Variants in ARSJ observed in about 807,000 individuals in gnomAD.
ARSJ encodes the protein arylsulfatase J.
Under a neutral mutation model 35.9 loss-of-function variants are expected in ARSJ, and 26 were observed. The ratio of observed to expected loss-of-function variants is 0.72; its 90% confidence interval spans 0.53 to 1.00. The LOEUF (loss-of-function observed/expected upper bound fraction) is 1.00. Among genes scored for constraint, ARSJ ranks in the 50% least tolerant of loss-of-function variants. The pLI is 0.00. For synonymous variants in ARSJ, 294 were observed against 267.6 expected (o/e 1.10, Z -0.96); for missense variants, 667 against 723.6 (o/e 0.92, Z 0.90).
intron 1 of ARSJ, among the ~76,000 whole-genome samples, chr4:113,918,881 C>T (rs1723486075): frequency 6.6e-6 from 1 of 152,058 alleles, no homozygotes; most frequent in South Asian, 2.1e-4. Context: ...CAGCCCCAAC[C>T]TCCCAGGCTT....
chr4:113,906,812 A>T, intron 1 of ARSJ: 1 of 449,732 alleles, frequency 2.2e-6, no homozygotes, highest in Non-Finnish European at 4.5e-6. Flanking sequence ...GAGTCTAGTA[A>T]GGAAGGTATA....
At position 113,902,910 on chromosome 4, in the gene ARSJ, A is replaced by C. The variant is rs759815160; in HGVS notation, c.1164T>G (p.Ala388=). ...TDWYPTLISL[A]EGQIDEDIQL... ...GAATGTCCTCATCAATCTGTCCTTCAGCCAGTGAAATGAGAGTGGGGTACC... is the reference window on the plus strand; with the variant it reads ...GAATGTCCTCATCAATCTGTCCTTCCGCCAGTGAAATGAGAGTGGGGTACC... The change falls in exon 2 of 2, where the codon GCT becomes GCG. Residue 388 remains alanine (A), a synonymous_variant. Transcript: ENST00000315366. 1 of 1,614,164 alleles carries C rather than the reference A, an allele frequency of 6.2e-7. No homozygotes were observed. Among genetic ancestry groups the C allele is most frequent in the East Asian group, 2.2e-5 (1 of 44,882 alleles).
intron 1 of ARSJ, among the ~76,000 whole-genome samples, chr4:113,937,136 G>A (rs575880116): frequency 1.4e-4 from 22 of 151,994 alleles, no homozygotes; most frequent in African/African-American, 5.1e-4. Context: ...CAGTGGTACT[G>A]GGAAGATTCA....
chr4:113,975,329 A>C (rs1214482444), intron 1 of ARSJ, among the ~76,000 whole-genome samples: 1 of 152,242 alleles, frequency 6.6e-6, no homozygotes, highest in Non-Finnish European at 1.5e-5. Flanking sequence ...TCAAAGATAC[A>C]AATTCAATTC....
At chr4:113,955,270 T>C (rs1431110327) in intron 1 of ARSJ, among the ~76,000 whole-genome samples, 1 of 152,042 alleles carries the variant, frequency 6.6e-6, no homozygotes, top group East Asian at 1.9e-4. Context: ...TTATTGCAGA[T>C]ACAGTTACCT....
chr4:113,975,622 C>G (rs147187685), intron 1 of ARSJ, among the ~76,000 whole-genome samples: 15 of 152,258 alleles, frequency 9.9e-5, no homozygotes, highest in Non-Finnish European at 1.9e-4. Flanking sequence ...AGAATCCCTA[C>G]ATCACTACCC....
At chr4:113,952,626 G>T (rs1725931708) in intron 1 of ARSJ, among the ~76,000 whole-genome samples, 1 of 152,098 alleles carries the variant, frequency 6.6e-6, no homozygotes, top group Non-Finnish European at 1.5e-5. Flanking sequence ...GCTGAAAGCA[G>T]TCACTAGAGG....
At chr4:113,912,667 A>G (rs574750853) in intron 1 of ARSJ, among the ~76,000 whole-genome samples, 2 of 152,138 alleles carry the variant, frequency 1.3e-5, no homozygotes, top group South Asian at 4.1e-4. Context: ...GTTCACTAGT[A>G]TATATATATC....
intron 1 of ARSJ, among the ~76,000 whole-genome samples, chr4:113,930,442 T>C (rs1724362554): frequency 1.3e-5 from 2 of 152,108 alleles, no homozygotes; most frequent in Non-Finnish European, 2.9e-5. Flanking sequence ...ACTCAAATAT[T>C]AATCTCCTTT....
chr4:113,968,506 G>T (rs7700131), intron 1 of ARSJ, among the ~76,000 whole-genome samples: 49,380 of 151,724 alleles, frequency 0.33, 8,088 homozygotes, highest in Admixed American at 0.36. Flanking sequence ...GAGGGTGGTA[G>T]AGAGTCTAGA....
intron 1 of ARSJ, among the ~76,000 whole-genome samples, chr4:113,952,710 G>A (rs188690157): frequency 6.6e-6 from 1 of 152,172 alleles, no homozygotes. Flanking sequence ...CGATAGGCTG[G>A]AGAAGGCTAA....
chr4:113,907,085 A>C (rs903513770), intron 1 of ARSJ, among the ~76,000 whole-genome samples: 1 of 152,180 alleles, frequency 6.6e-6, no homozygotes, highest in African/African-American at 2.4e-5. Flanking sequence ...GCAAAGTCCG[A>C]TGCACTCTCT....
At chr4:113,956,193 A>C (rs1348158818) in intron 1 of ARSJ, among the ~76,000 whole-genome samples, 1 of 152,052 alleles carries the variant, frequency 6.6e-6, no homozygotes, top group East Asian at 1.9e-4. Context: ...AAGCGAAAGC[A>C]AGCTAGATAA....
At chr4:113,973,939 C>T (rs1196034192) in intron 1 of ARSJ, among the ~76,000 whole-genome samples, 1 of 152,024 alleles carries the variant, frequency 6.6e-6, no homozygotes, top group Non-Finnish European at 1.5e-5. Flanking sequence ...CACAACAAAT[C>T]GATAGCGAAA....
At chr4:113,925,476 T>C (rs1361706086) in intron 1 of ARSJ, among the ~76,000 whole-genome samples, 1 of 152,122 alleles carries the variant, frequency 6.6e-6, no homozygotes, top group Non-Finnish European at 1.5e-5. Context: ...TCTGGAGAAC[T>C]TTGCCCCAGC....
chr4:113,942,399 T>C (rs1725213389), intron 1 of ARSJ, among the ~76,000 whole-genome samples: 1 of 152,066 alleles, frequency 6.6e-6, no homozygotes, highest in Non-Finnish European at 1.5e-5. Context: ...CTCAGAATAC[T>C]AGGCTCTTGA....
chr4:113,905,005 C>T (rs1349568499), intron 1 of ARSJ, among the ~76,000 whole-genome samples: 1 of 152,168 alleles, frequency 6.6e-6, no homozygotes, highest in Non-Finnish European at 1.5e-5. Context: ...GAAAGCATAA[C>T]ACTTTCTAAT....
intron 1 of ARSJ, among the ~76,000 whole-genome samples, chr4:113,918,680 C>T (rs753940352): frequency 1.3e-5 from 2 of 151,834 alleles, no homozygotes; most frequent in South Asian, 2.1e-4. Flanking sequence ...ATTATAAAAC[C>T]GAAATAACAA....
rs549445406 is a variant in ARSJ, at chr4:113,925,514, G to A, written c.399-21839C>T. Among the ~76,000 whole-genome samples the A allele has an allele frequency of 7.6e-4, 115 of 152,194 alleles. 1 individual carries two copies. In the Middle Eastern group the frequency reaches 0.014, roughly 18 times the overall value. ...TGCAAAGTATTGTCACCTAGTTAGC[G>A]TTGTAATTGTGATTTCAAAAGGCCA... On this transcript the variant is annotated intron_variant, in intron 1 of 1. Coordinates refer to ENST00000315366, the MANE Select transcript of ARSJ (RefSeq NM_024590.4).
Sources: allele counts gnomAD v4.1 joint callset (sites outside exome capture counted in the v4.1 genomes callset), GRCh38; gene constraint gnomAD v4.1.1; transcripts MANE v1.5; gene names NCBI Gene and HGNC (gene_info 2026-07-23, HGNC 2026-07-21).